The following MTUS2 variants were observed in gnomAD, a reference collection of about 807,000 sequenced individuals.
The protein encoded by MTUS2 is microtubule associated scaffold protein 2.
Under a neutral mutation model 114.1 loss-of-function variants are expected in MTUS2, and 40 were observed. The observed-to-expected ratio is 0.35, with a 90% CI of 0.27 to 0.46. MTUS2 has a LOEUF of 0.46. Among genes scored for constraint, MTUS2 ranks in the 20% least tolerant of loss-of-function variants. The pLI, the probability that MTUS2 is intolerant of heterozygous loss-of-function variation, is 1.00. For synonymous variants in MTUS2, 688 were observed against 672.0 expected (o/e 1.02, Z -0.37); for missense variants, 1,679 against 1,705.4 (o/e 0.98, Z 0.27).
chr13:29,276,751 A>G (rs1898078323), intron 5 of MTUS2, among the ~76,000 whole-genome samples: 1 of 152,082 alleles, frequency 6.6e-6, no homozygotes, highest in South Asian at 2.1e-4. Context: ...TACAAACATT[A>G]GCCAGCCATG....
intron 5 of MTUS2, among the ~76,000 whole-genome samples, chr13:29,244,000 G>A (rs1171861599): frequency 6.6e-6 from 1 of 152,234 alleles, no homozygotes; most frequent in Non-Finnish European, 1.5e-5. Context: ...GAGACCAGGG[G>A]TGAACATGAG....
In MTUS2 at chr13:28,823,908, C is replaced by T. The variant is rs893709632; in HGVS notation, c.-316+3297C>T. ...AAATGAGCAAAAGGGGGAAAAACACCGTATAAAACCAGCAGATTTCATGAG... is the reference window on the plus strand; with the variant it reads ...AAATGAGCAAAAGGGGGAAAAACACTGTATAAAACCAGCAGATTTCATGAG... On this transcript the variant is annotated intron_variant, in intron 1 of 15. Transcript: ENST00000612955. 5.3e-5 allele frequency among the ~76,000 whole-genome samples: 8 copies of T among 152,198 alleles called. No homozygotes were observed. In the South Asian group the frequency reaches 6.2e-4, roughly 12 times the overall value.
chr13:29,034,584 G>A (rs1041803565), intron 4 of MTUS2, among the ~76,000 whole-genome samples: 1 of 152,188 alleles, frequency 6.6e-6, no homozygotes, highest in Non-Finnish European at 1.5e-5. Context: ...GGAGAACTCC[G>A]GGTTTCTGGC....
chr13:28,994,219 A>G (rs1448934740), intron 2 of MTUS2, among the ~76,000 whole-genome samples: 2 of 144,576 alleles, frequency 1.4e-5, no homozygotes, highest in Non-Finnish European at 3.1e-5. Context: ...TGTCCCTACA[A>G]AGGACATGAA....
intron 2 of MTUS2, among the ~76,000 whole-genome samples, chr13:28,865,568 A>C (rs1464827932): frequency 6.6e-6 from 1 of 152,148 alleles, no homozygotes. Context: ...AGTTATGCAA[A>C]TTGTTTTAGC....
At position 28,990,624 on chromosome 13, in the gene MTUS2, A is replaced by AAGTGCACC. The variant is rs1566274234; in HGVS notation, c.-242-33832_-242-33831insGTGCACCA. Among the ~76,000 whole-genome samples, 315 of 152,360 alleles carry AAGTGCACC rather than the reference A, an allele frequency of 2.1e-3. 2 individuals are homozygous for AAGTGCACC. Among genetic ancestry groups the AAGTGCACC allele is most frequent in the African/African-American group, 7.2e-3 (299 of 41,578 alleles). ...GCTCAGTGTCTAGCTAAAGGATTGT[A>AAGTGCACC]AATGCACCAATCAGCACTCTGTAAA... On this transcript the variant is annotated intron_variant, in intron 2 of 15. Transcript: ENST00000612955.
intron 5 of MTUS2, among the ~76,000 whole-genome samples, chr13:29,251,647 C>T (rs1897128928): frequency 6.6e-6 from 1 of 152,212 alleles, no homozygotes; most frequent in Admixed American, 6.5e-5. Flanking sequence ...TTCTACTTTT[C>T]TCATCTCTAT....
At chr13:29,447,892 C>A (rs73444053) in intron 9 of MTUS2, among the ~76,000 whole-genome samples, 4,423 of 152,030 alleles carry the variant, frequency 0.029, 174 homozygotes, top group African/African-American at 0.099. Context: ...AAATATGACC[C>A]TTGATTTTTC....
intron 2 of MTUS2, among the ~76,000 whole-genome samples, chr13:28,956,364 G>C (rs1883066621): frequency 6.6e-6 from 1 of 152,066 alleles, no homozygotes; most frequent in Non-Finnish European, 1.5e-5. Flanking sequence ...GGTTGTAGAT[G>C]GTGCCACATC....
intron 2 of MTUS2, among the ~76,000 whole-genome samples, chr13:28,973,111 AAT>A (rs1459010075): frequency 6.6e-6 from 1 of 152,188 alleles, no homozygotes; most frequent in Non-Finnish European, 1.5e-5. Context: ...TTGAGATTAA[AAT>A]AGATTTTATT....
chr13:29,279,929 CTG>C (rs564291816), intron 5 of MTUS2, among the ~76,000 whole-genome samples: 115 of 152,320 alleles, frequency 7.5e-4, no homozygotes, highest in African/African-American at 2.5e-3. Flanking sequence ...AAATAAAAGA[CTG>C]TGAGAGATTT....
chr13:29,258,180 C>A (rs1897342390), intron 5 of MTUS2, among the ~76,000 whole-genome samples: 2 of 152,210 alleles, frequency 1.3e-5, no homozygotes, highest in African/African-American at 4.8e-5. Flanking sequence ...CATCTCCAGG[C>A]TCTGGGGAAT....
chr13:29,164,101 G>A lies in MTUS2; in HGVS notation c.2644+63131G>A, dbSNP rs537204226. 4.6e-5 allele frequency among the ~76,000 whole-genome samples: 7 copies of A among 152,254 alleles called. No individual in the cohort carries two copies. In the South Asian group the frequency reaches 1.0e-3, roughly 23 times the overall value. On this transcript the variant is annotated intron_variant, in intron 5 of 15. Transcript: ENST00000612955. ...GAAGATCCAGAAAGAATTGTTGTGC[G>A]GTATTTCCCCTTTTCCACACCATAA...
chr13:29,331,111 T>A (rs188320523), intron 7 of MTUS2, among the ~76,000 whole-genome samples: 3 of 152,230 alleles, frequency 2.0e-5, no homozygotes, highest in Non-Finnish European at 4.4e-5. Flanking sequence ...TCTTATTTCA[T>A]TGGGCAGTGG....
intron 2 of MTUS2, among the ~76,000 whole-genome samples, chr13:28,958,789 A>G (rs1247939010): frequency 6.6e-6 from 1 of 152,220 alleles, no homozygotes; most frequent in East Asian, 1.9e-4. Context: ...GTAGCTGTGG[A>G]TGTTTGCATC....
At chr13:28,972,036 T>G (rs1883880485) in intron 2 of MTUS2, among the ~76,000 whole-genome samples, 1 of 152,200 alleles carries the variant, frequency 6.6e-6, no homozygotes, top group South Asian at 2.1e-4. Context: ...ATGAGAACTT[T>G]CAAATTTCAC....
chr13:28,865,898 T>C (rs1265925504), intron 2 of MTUS2, among the ~76,000 whole-genome samples: 1 of 152,208 alleles, frequency 6.6e-6, no homozygotes, highest in Non-Finnish European at 1.5e-5. Context: ...TGAGACAAAC[T>C]GTTCTCTGGA....
chr13:29,300,298 A>G (rs1899143087), intron 6 of MTUS2, among the ~76,000 whole-genome samples: 1 of 152,212 alleles, frequency 6.6e-6, no homozygotes, highest in African/African-American at 2.4e-5. Context: ...AAAGTAGGAC[A>G]CTAAAACCCT....
At chr13:28,922,267 A>G (rs757666994) in intron 2 of MTUS2, among the ~76,000 whole-genome samples, 4 of 152,144 alleles carry the variant, frequency 2.6e-5, no homozygotes, top group Non-Finnish European at 5.9e-5. Context: ...CTGTGAGTCA[A>G]TTAAGCCTTT....
Sources: allele counts gnomAD v4.1 joint callset (sites outside exome capture counted in the v4.1 genomes callset), GRCh38; gene constraint gnomAD v4.1.1; transcripts MANE v1.5; gene names NCBI Gene and HGNC (gene_info 2026-07-23, HGNC 2026-07-21).